The following RBFOX1 variants were observed in gnomAD, a reference collection of about 807,000 sequenced individuals.
The protein encoded by RBFOX1 is RNA binding protein fox-1 homolog 1.
Under a neutral mutation model 57.7 loss-of-function variants are expected in RBFOX1, and 8 were observed. The observed-to-expected ratio is 0.14, with a 90% CI of 0.08 to 0.25. The LOEUF (loss-of-function observed/expected upper bound fraction) is 0.25. Ranked by LOEUF, RBFOX1 falls within the 10% of genes least tolerant of loss-of-function variation. The pLI is 1.00. For missense variants in RBFOX1, 611 were observed against 548.5 expected (o/e 1.11, Z -1.14); for synonymous variants, 326 against 222.4 (o/e 1.47, Z -4.15).
chr16:6,077,336 T>C (rs527783045), intron 1 of RBFOX1, among the ~76,000 whole-genome samples: 23 of 152,296 alleles, frequency 1.5e-4, no homozygotes, highest in Middle Eastern at 3.4e-3. Context: ...ACAAGTCATA[T>C]CTTTAAAAGG....
intron 3 of RBFOX1, among the ~76,000 whole-genome samples, chr16:6,668,224 G>A (rs567075891): frequency 1.7e-4 from 26 of 152,244 alleles, no homozygotes; most frequent in Non-Finnish European, 2.6e-4. Context: ...TGATTGTGGC[G>A]GCACAGAACA....
chr16:6,811,118 C>T (rs1310201809), intron 3 of RBFOX1, among the ~76,000 whole-genome samples: 3 of 152,082 alleles, frequency 2.0e-5, no homozygotes, highest in African/African-American at 7.2e-5. Context: ...ATAGAAAAGC[C>T]GATTTTGCTG....
chr16:7,687,463 G>A (rs561598396), intron 14 of RBFOX1, among the ~76,000 whole-genome samples: 20 of 152,112 alleles, frequency 1.3e-4, no homozygotes, highest in African/African-American at 4.6e-4. Flanking sequence ...TATGTAGCAA[G>A]CCCCTCATTT....
intron 3 of RBFOX1, among the ~76,000 whole-genome samples, chr16:5,716,989 T>C (rs1418518478): frequency 6.6e-6 from 1 of 152,150 alleles, no homozygotes; most frequent in African/African-American, 2.4e-5. Context: ...GGTTTCCTCC[T>C]GGCATAGGGA....
At chr16:5,598,725 T>G (rs1050153172) in intron 2 of RBFOX1, among the ~76,000 whole-genome samples, 10 of 152,204 alleles carry the variant, frequency 6.6e-5, no homozygotes, top group African/African-American at 2.4e-4. Context: ...TTGTGGCCAT[T>G]GCGCAGGGCA....
At chr16:7,021,684 G>A (rs976856609) in intron 3 of RBFOX1, among the ~76,000 whole-genome samples, 1 of 148,868 alleles carries the variant, frequency 6.7e-6, no homozygotes, top group Non-Finnish European at 1.5e-5. Context: ...GCACAGACTG[G>A]ATTAAGTGTC....
At chr16:7,704,805 C>A (rs961382989) in intron 14 of RBFOX1, among the ~76,000 whole-genome samples, 2 of 152,138 alleles carry the variant, frequency 1.3e-5, no homozygotes, top group Non-Finnish European at 2.9e-5. Flanking sequence ...AATCCTAGCA[C>A]TTTGGGAGGC....
chr16:6,183,790 C>G (rs138664858), intron 1 of RBFOX1, among the ~76,000 whole-genome samples: 2,536 of 152,084 alleles, frequency 0.017, 25 homozygotes, highest in Non-Finnish European at 0.025. Context: ...AAGAGTGGTA[C>G]CACATGAGGT....
Position 7,710,992 on chromosome 16 carries a change from G to A in RBFOX1, c.*247G>A, listed in dbSNP as rs2083923899. On this transcript the variant is annotated 3_prime_UTR_variant, in exon 16 of 16. Transcript: ENST00000550418. Reference sequence around the variant, plus strand: ...GTTGCTGGCTGTAGGAGTTTTTGTGGTTGATCTAGACAGATGCTAGATAAT... The same window carrying A: ...GTTGCTGGCTGTAGGAGTTTTTGTGATTGATCTAGACAGATGCTAGATAAT... The A allele has an allele frequency of 2.4e-6, 1 of 418,378 alleles. No homozygotes were observed. The highest frequency in any genetic ancestry group is 4.0e-6 in the Non-Finnish European group (1 of 248,380). 25.9% of individuals were successfully genotyped at this position (418,378 alleles called of 1,614,324 possible). A position where few individuals can be genotyped will look rare whatever the true frequency, so the allele number is the denominator to read the frequency against.
chr16:6,986,352 C>T (rs907001847), intron 3 of RBFOX1, among the ~76,000 whole-genome samples: 33 of 152,138 alleles, frequency 2.2e-4, no homozygotes, highest in African/African-American at 7.7e-4. Flanking sequence ...GCGTCTGCCA[C>T]CATGTCTGGC....
intron 2 of RBFOX1, among the ~76,000 whole-genome samples, chr16:6,381,749 C>G (rs556348645): frequency 6.6e-6 from 1 of 152,312 alleles, no homozygotes; most frequent in East Asian, 1.9e-4. Context: ...CTGGGGCTAC[C>G]GCATCTGCTG....
intron 4 of RBFOX1, among the ~76,000 whole-genome samples, chr16:7,361,946 ATGT>A (rs1453153513): frequency 4.2e-5 from 6 of 143,108 alleles, no homozygotes; most frequent in African/African-American, 1.6e-4. Flanking sequence ...ATGTGTGTGC[ATGT>A]TTTGTGTGTA....
At chr16:5,654,418 C>G (rs558124051) in intron 3 of RBFOX1, among the ~76,000 whole-genome samples, 13 of 152,232 alleles carry the variant, frequency 8.5e-5, no homozygotes, top group African/African-American at 3.1e-4. Context: ...CAAATCAGGA[C>G]TCCCCCCAAC....
At chr16:6,680,457 G>A (rs923400038) in intron 3 of RBFOX1, among the ~76,000 whole-genome samples, 5 of 151,800 alleles carry the variant, frequency 3.3e-5, no homozygotes. Context: ...TAGAGACGAG[G>A]TTTCACCATG....
intron 3 of RBFOX1, among the ~76,000 whole-genome samples, chr16:5,756,245 A>G (rs913076322): frequency 3.3e-5 from 5 of 151,008 alleles, no homozygotes; most frequent in African/African-American, 1.2e-4. Context: ...AAAAAAAAAA[A>G]AAACCCTGCA....
intron 14 of RBFOX1, among the ~76,000 whole-genome samples, chr16:7,703,420 T>G (rs968262015): frequency 5.3e-5 from 8 of 152,124 alleles, no homozygotes; most frequent in Non-Finnish European, 1.0e-4. Flanking sequence ...ATTTCACTCA[T>G]CTTTCTGCTC....
At chr16:6,477,993 G>A (rs912087948) in intron 2 of RBFOX1, among the ~76,000 whole-genome samples, 3 of 151,902 alleles carry the variant, frequency 2.0e-5, no homozygotes, top group Non-Finnish European at 4.4e-5. Flanking sequence ...TGCCTCCATA[G>A]AATTCAAGAG....
At chr16:5,526,590 C>G (rs542853500) in intron 2 of RBFOX1, among the ~76,000 whole-genome samples, 1 of 152,282 alleles carries the variant, frequency 6.6e-6, no homozygotes, top group South Asian at 2.1e-4. Context: ...CACCTGGCTT[C>G]CACTCCCTTT....
intron 4 of RBFOX1, among the ~76,000 whole-genome samples, chr16:5,924,932 CA>C (rs1344174164): frequency 6.6e-6 from 1 of 152,164 alleles, no homozygotes; most frequent in Non-Finnish European, 1.5e-5. Flanking sequence ...TTTTTCTAGG[CA>C]AAACCACAAT....
Sources: allele counts gnomAD v4.1 joint callset (sites outside exome capture counted in the v4.1 genomes callset), GRCh38; gene constraint gnomAD v4.1.1; transcripts MANE v1.5; gene names NCBI Gene and HGNC (gene_info 2026-07-23, HGNC 2026-07-21).